The following HEATR5B variants were observed in gnomAD, a reference collection of about 807,000 sequenced individuals.
HEATR5B encodes the protein HEAT repeat containing 5B.
Under a neutral mutation model 224.1 loss-of-function variants are expected in HEATR5B, and 156 were observed. The observed-to-expected ratio is 0.70, with a 90% confidence interval of 0.61 to 0.80. The LOEUF is 0.80. HEATR5B is among the 30% of genes least tolerant of loss of function. The pLI is 0.00. For missense variants in HEATR5B, 2,323 were observed against 2,535.5 expected, an observed-to-expected ratio of 0.92 and a Z score of 1.80; for synonymous variants, 1,027 against 893.0, an observed-to-expected ratio of 1.15 and a Z score of -2.68.
intron 5 of HEATR5B, among the ~76,000 whole-genome samples, chr2:37,074,330 A>G (rs1173603263): frequency 6.6e-6 from 1 of 151,922 alleles, no homozygotes; most frequent in Non-Finnish European, 1.5e-5. Context: ...TCAAAAAAAA[A>G]AAAAAAAGAA....
At chr2:37,019,915 A>G in intron 25 of HEATR5B, 38 bp from the exon 26 acceptor site, 1 of 1,444,384 alleles carries the variant, frequency 6.9e-7, no homozygotes, top group African/African-American at 1.4e-5. Flanking sequence ...TTTTACTTTT[A>G]TTTTTTGAGA....
intron 24 of HEATR5B, among the ~76,000 whole-genome samples, chr2:37,022,824 T>C (rs1668545788): frequency 6.6e-6 from 1 of 152,188 alleles, no homozygotes; most frequent in Non-Finnish European, 1.5e-5. Context: ...GTAATTTAAC[T>C]ACATCCCAGA....
intron 3 of HEATR5B, among the ~76,000 whole-genome samples, chr2:37,078,649 A>G (rs1444765418): frequency 6.6e-6 from 1 of 152,198 alleles, no homozygotes; most frequent in Non-Finnish European, 1.5e-5. Flanking sequence ...ATACCAGGTA[A>G]CTACCTAAAA....
chr2:37,049,254 G>A (rs992973197), intron 18 of HEATR5B, among the ~76,000 whole-genome samples: 1 of 152,092 alleles, frequency 6.6e-6, no homozygotes, highest in African/African-American at 2.4e-5. Context: ...CTTGGCAGCA[G>A]TTAGAAAAAG....
intron 18 of HEATR5B, among the ~76,000 whole-genome samples, chr2:37,042,317 A>C (rs1254010140): frequency 6.6e-6 from 1 of 152,236 alleles, no homozygotes; most frequent in African/African-American, 2.4e-5. Context: ...CTATACATGG[A>C]TTTCAACATT....
At chr2:36,986,716 C>T (rs1018646393) in intron 35 of HEATR5B, among the ~76,000 whole-genome samples, 1 of 152,136 alleles carries the variant, frequency 6.6e-6, no homozygotes, top group African/African-American at 2.4e-5. Context: ...CTCCCGGGTT[C>T]AAGCAATTCT....
intron 26 of HEATR5B, among the ~76,000 whole-genome samples, chr2:37,017,140 G>A (rs1368910058): frequency 1.3e-5 from 2 of 152,136 alleles, no homozygotes; most frequent in Non-Finnish European, 2.9e-5. Flanking sequence ...TAAAGAATCA[G>A]AAACTAGGCC....
intron 35 of HEATR5B, among the ~76,000 whole-genome samples, chr2:36,983,587 G>T (rs1419223136): frequency 6.6e-6 from 1 of 151,348 alleles, no homozygotes; most frequent in Non-Finnish European, 1.5e-5. Context: ...TATTAGCTGG[G>T]TGTGGTGGCA....
At chr2:37,046,988 T>C (rs1318069246) in intron 18 of HEATR5B, among the ~76,000 whole-genome samples, 1 of 135,356 alleles carries the variant, frequency 7.4e-6, no homozygotes, top group Admixed American at 8.2e-5. Flanking sequence ...AGGTGGAGGT[T>C]GCAGTGAGCC....
Position 37,002,376 on chromosome 2 carries a change from T to C in HEATR5B, c.5247A>G (p.Glu1749=). The change falls in exon 32 of 36, where the codon GAA becomes GAG. Residue 1749 remains glutamate, a synonymous_variant. Transcript: ENST00000233099. ...TGGCTGCCACCAAACGAGCACTTTCTTCTGATAGTCGAGTTTTAGTGGCTA... is the reference window on the plus strand; with the variant it reads ...TGGCTGCCACCAAACGAGCACTTTCCTCTGATAGTCGAGTTTTAGTGGCTA... The part of the protein sequence containing the change: ...SHIATKTRLS[E]ESARLVAATV... 1.2e-6 allele frequency: 2 copies of C among 1,614,240 alleles called. No homozygotes were observed. The highest frequency in any genetic ancestry group is 8.5e-7 in the Non-Finnish European group (1 of 1,180,036).
intron 19 of HEATR5B, 42 bp downstream of exon 19, chr2:37,041,091 A>G (rs756433144): frequency 3.2e-6 from 5 of 1,546,648 alleles, no homozygotes; most frequent in Non-Finnish European, 4.4e-6. Flanking sequence ...TTTCCAAAAA[A>G]TTTTCTAAAC....
intron 12 of HEATR5B, among the ~76,000 whole-genome samples, chr2:37,059,706 C>T (rs969095639): frequency 6.6e-6 from 1 of 151,760 alleles, no homozygotes; most frequent in Non-Finnish European, 1.5e-5. Flanking sequence ...GTGATCCACC[C>T]GCCTTGGCTT....
At chr2:37,009,370 T>C (rs1171364407) in intron 27 of HEATR5B, among the ~76,000 whole-genome samples, 1 of 149,486 alleles carries the variant, frequency 6.7e-6, no homozygotes, top group Non-Finnish European at 1.5e-5. Context: ...AGCCAGGAGG[T>C]CAAGACCAGC....
chr2:37,046,586 C>T (rs1670207743), intron 18 of HEATR5B, among the ~76,000 whole-genome samples: 2 of 148,642 alleles, frequency 1.3e-5, no homozygotes, highest in African/African-American at 5.0e-5. Context: ...TTGCAGTGAG[C>T]TGAGATTGCA....
chr2:37,014,346 T>C (rs1294423012), intron 26 of HEATR5B, among the ~76,000 whole-genome samples: 1 of 151,674 alleles, frequency 6.6e-6, no homozygotes, highest in Non-Finnish European at 1.5e-5. Flanking sequence ...GTATTTTTAG[T>C]AGAGACGGGG....
At position 37,075,521 on chromosome 2, in the gene HEATR5B, A is replaced by C; in HGVS notation, c.561T>G (p.Thr187=). 6.2e-7 allele frequency: 1 copy of C among 1,613,952 alleles called. No homozygotes were observed. Among genetic ancestry groups the C allele is most frequent in the South Asian group, 1.1e-5 (1 of 91,072 alleles). Residue 187 remains threonine (T), a synonymous_variant, in exon 5 of 36, where the codon ACT becomes ACG. Transcript: ENST00000233099. ...CACATCGAACAGCCATTGACCTATC[A>C]GTCAAGAGAGACCTGGCATTCTTGT... The part of the protein sequence containing the change: ...DIYKNARSLL[T]DRSMAVRCAV...
At chr2:37,009,850 A>G (rs559889188) in intron 27 of HEATR5B, among the ~76,000 whole-genome samples, 61 of 151,464 alleles carry the variant, frequency 4.0e-4, no homozygotes, top group South Asian at 3.3e-3. Context: ...CTTATTAGAC[A>G]ACCAGGCATT....
intron 20 of HEATR5B, among the ~76,000 whole-genome samples, chr2:37,039,188 C>T (rs1263738428): frequency 6.6e-6 from 1 of 150,744 alleles, no homozygotes; most frequent in Non-Finnish European, 1.5e-5. Flanking sequence ...AAAAAAAGGC[C>T]GGGTGTGGTG....
At chr2:37,071,729 G>C (rs1671921072) in intron 6 of HEATR5B, among the ~76,000 whole-genome samples, 1 of 151,076 alleles carries the variant, frequency 6.6e-6, no homozygotes, top group Admixed American at 6.6e-5. Flanking sequence ...CTGTCGCCCA[G>C]GCTGGAGTAC....
Sources: allele counts gnomAD v4.1 joint callset (sites outside exome capture counted in the v4.1 genomes callset), GRCh38; gene constraint gnomAD v4.1.1; transcripts MANE v1.5; gene names NCBI Gene and HGNC (gene_info 2026-07-23, HGNC 2026-07-21).